SCARB2: variants seen among roughly 807,000 people sequenced by gnomAD.
The protein encoded by SCARB2 is lysosome membrane protein 2.
SCARB2 carries 29 observed loss-of-function variants against 58.6 expected under a neutral mutation model. That is an observed-to-expected ratio of 0.49 (90% confidence interval 0.37 to 0.67). The LOEUF (loss-of-function observed/expected upper bound fraction) is 0.67. Ranked by LOEUF, SCARB2 falls within the 30% of genes least tolerant of loss-of-function variation. SCARB2 has a pLI of 0.00. For missense variants in SCARB2, 488 were observed against 578.5 expected, an observed-to-expected ratio of 0.84 and a Z score of 1.60; for synonymous variants, 195 against 210.1, an observed-to-expected ratio of 0.93 and a Z score of 0.62.
chr4:76,184,814 C>T (rs1466917909), intron 2 of SCARB2: 1 of 358,588 alleles, frequency 2.8e-6, no homozygotes, highest in Admixed American at 3.6e-5. Flanking sequence ...AATTTAAAAA[C>T]AAGAAAACTC....
intron 1 of SCARB2, among the ~76,000 whole-genome samples, chr4:76,206,638 TAAGAA>T (rs1380273130): frequency 6.6e-6 from 1 of 151,692 alleles, no homozygotes; most frequent in Non-Finnish European, 1.5e-5. Context: ...CATTTGGCAG[TAAGAA>T]AAGACACAAA....
At chr4:76,201,480 A>G (rs1283610203) in intron 1 of SCARB2, among the ~76,000 whole-genome samples, 1 of 152,232 alleles carries the variant, frequency 6.6e-6, no homozygotes, top group African/African-American at 2.4e-5. Flanking sequence ...CGCAGCGTAG[A>G]GCACAACGCT....
At position 76,161,199 on chromosome 4, in the gene SCARB2, G is replaced by A. The variant is rs1252450315; in HGVS notation, c.*514C>T. On this transcript the variant is annotated 3_prime_UTR_variant, in exon 12 of 12. Transcript: ENST00000264896. ...AAAATGTAATATGTTTTAGAAATCA[G>A]ATGCATTTGAATGATATATTGGATG... 5.6e-5 allele frequency: 9 copies of A among 161,568 alleles called. No individual in the cohort carries two copies. The highest frequency in any genetic ancestry group is 1.2e-4 in the Non-Finnish European group (9 of 72,882). The allele number at this position is 161,568 out of a possible 1,614,324, so 10.0% of individuals were successfully genotyped here.
chr4:76,165,907 T>C (rs755536614), intron 10 of SCARB2: 1 of 400,106 alleles, frequency 2.5e-6, no homozygotes, highest in Non-Finnish European at 4.6e-6. Flanking sequence ...GACAAAGGGC[T>C]AGCTGGCATC....
intron 1 of SCARB2, among the ~76,000 whole-genome samples, chr4:76,196,478 T>G (rs1227368749): frequency 6.6e-6 from 1 of 152,244 alleles, no homozygotes; most frequent in Non-Finnish European, 1.5e-5. Context: ...CTAAAGGGCC[T>G]GCTGGCTTTG....
intron 1 of SCARB2, among the ~76,000 whole-genome samples, chr4:76,198,837 AGTGAGTGT>A (rs748791020): frequency 0.023 from 3,031 of 130,892 alleles, 83 homozygotes; most frequent in African/African-American, 0.08. Flanking sequence ...CTGGAGAGTG[AGTGAGTGT>A]GTGTGTGTGT....
At chr4:76,222,894 C>G (rs1733334319) in intron 1 of SCARB2, among the ~76,000 whole-genome samples, 1 of 152,124 alleles carries the variant, frequency 6.6e-6, no homozygotes, top group African/African-American at 2.4e-5. Flanking sequence ...GGCAAGAGTT[C>G]CAAGCTGAAG....
intron 2 of SCARB2, among the ~76,000 whole-genome samples, chr4:76,189,867 A>AT (rs1732567981): frequency 6.6e-6 from 1 of 152,132 alleles, no homozygotes; most frequent in Non-Finnish European, 1.5e-5. Flanking sequence ...TGCCCCCGTG[A>AT]TTAAATTACC....
At chr4:76,224,066 T>A (rs562942249) in intron 1 of SCARB2, among the ~76,000 whole-genome samples, 1 of 152,292 alleles carries the variant, frequency 6.6e-6, no homozygotes, top group Non-Finnish European at 1.5e-5. Context: ...TATTATTGAA[T>A]AGGTATTAAA....
At chr4:76,215,387 C>A (rs1044397930), upstream of SCARB2, among the ~76,000 whole-genome samples, 1 of 152,208 alleles carries the variant, frequency 6.6e-6, no homozygotes, top group Admixed American at 6.5e-5. Context: ...CTCACTTTTT[C>A]TACTCTGCGC....
At position 76,192,373 on chromosome 4, in the gene SCARB2, ATG is replaced by A. The variant is rs976533392; in HGVS notation, c.275+3332_275+3333del. 6 of 152,266 alleles carry A rather than the reference ATG, an allele frequency of 3.9e-5. No individual in the cohort carries two copies. In the East Asian group the frequency reaches 1.2e-3, roughly 29 times the overall value. 9.4% of individuals were successfully genotyped at this position (152,266 alleles called of 1,614,324 possible). A position where few individuals can be genotyped will look rare whatever the true frequency, so the allele number is the denominator to read the frequency against. On this transcript the variant is annotated intron_variant, in intron 2 of 11. Transcript: ENST00000264896. Reference sequence around the variant, plus strand: ...TTATTGGGACTGGAGCAAAGTTCACATGTGTTATGCCTTAGCAAAGATCTTGG... The same window carrying A: ...TTATTGGGACTGGAGCAAAGTTCACATGTTATGCCTTAGCAAAGATCTTGG...
Position 76,207,735 on chromosome 4 carries a change from A to G in SCARB2, c.117+5692T>C, listed in dbSNP as rs1308469815. Among the ~76,000 whole-genome samples, 3 of 152,022 alleles carry G rather than the reference A, an allele frequency of 2.0e-5. No homozygotes were observed. The East Asian group carries it at 5.8e-4, about 29-fold the overall frequency. ...TTTTCATCAATGAGCTTATAATTCC[A>G]CCTCCTGATTCTTCCTGGGAAATAA... On this transcript the variant is annotated intron_variant, in intron 1 of 11. Transcript: ENST00000264896.
chr4:76,180,646 A>C (rs1168377643), intron 3 of SCARB2: 1 of 171,932 alleles, frequency 5.8e-6, no homozygotes. Flanking sequence ...TTTTAAAATT[A>C]TTAGCTACCA....
At chr4:76,217,464 G>C (rs1363163613), upstream of SCARB2, 2 of 406,994 alleles carry the variant, frequency 4.9e-6, no homozygotes, top group African/African-American at 4.1e-5. Flanking sequence ...CCTCAGGCAT[G>C]AGTGAGTTGT....
At chr4:76,204,571 G>A (rs980642371) in intron 1 of SCARB2, among the ~76,000 whole-genome samples, 1 of 152,106 alleles carries the variant, frequency 6.6e-6, no homozygotes, top group African/African-American at 2.4e-5. Context: ...GAGAACTGAT[G>A]ACCTAAAGGG....
chr4:76,204,700 A>G (rs1732895329), intron 1 of SCARB2, among the ~76,000 whole-genome samples: 1 of 152,166 alleles, frequency 6.6e-6, no homozygotes, highest in African/African-American at 2.4e-5. Context: ...GAGGAGTTTC[A>G]GATGTGAATA....
intron 1 of SCARB2, among the ~76,000 whole-genome samples, chr4:76,233,864 G>A (rs1021709762): frequency 6.6e-6 from 1 of 152,204 alleles, no homozygotes; most frequent in Non-Finnish European, 1.5e-5. Context: ...AGTTGGTTGG[G>A]GGGGGCTTGG....
At chr4:76,203,662 G>A (rs976558637) in intron 1 of SCARB2, among the ~76,000 whole-genome samples, 1 of 152,236 alleles carries the variant, frequency 6.6e-6, no homozygotes, top group African/African-American at 2.4e-5. Context: ...TGAGCTGTGT[G>A]TAGTGAACAT....
At chr4:76,191,077 A>G (rs746401037) in intron 2 of SCARB2, among the ~76,000 whole-genome samples, 27 of 151,766 alleles carry the variant, frequency 1.8e-4, no homozygotes, top group African/African-American at 4.9e-5. Flanking sequence ...TCATTTAAAA[A>G]TAACAACAAC....
Sources: allele counts gnomAD v4.1 joint callset (sites outside exome capture counted in the v4.1 genomes callset), GRCh38; gene constraint gnomAD v4.1.1; transcripts MANE v1.5; gene names NCBI Gene and HGNC (gene_info 2026-07-23, HGNC 2026-07-21).